Variants in EPHA7 observed in about 807,000 individuals in gnomAD.
EPHA7 encodes the protein ephrin type-A receptor 7.
A neutral mutation model predicts 112.6 loss-of-function variants in EPHA7; 25 were observed. The ratio of observed to expected loss-of-function variants is 0.22; its 90% CI spans 0.16 to 0.31. The LOEUF (loss-of-function observed/expected upper bound fraction) is 0.31, where lower values mean the gene tolerates loss of function less well. Among genes scored for constraint, EPHA7 ranks in the 10% least tolerant of loss-of-function variants. The pLI is 1.00. For missense variants in EPHA7, 962 were observed against 1,212.6 expected (o/e 0.79, Z 3.07); for synonymous variants, 437 against 406.5 (o/e 1.07, Z -0.90).
intron 5 of EPHA7, among the ~76,000 whole-genome samples, chr6:93,335,006 G>C (rs1259230230): frequency 2.0e-5 from 3 of 152,048 alleles, no homozygotes; most frequent in Non-Finnish European, 2.9e-5. Context: ...CAACAAGACA[G>C]GCCACAGACC....
rs74534617 is a variant in EPHA7, at chr6:93,311,839, A to C, written c.1325-39417T>G. 1.7e-3 allele frequency among the ~76,000 whole-genome samples: 258 copies of C among 152,322 alleles called. 1 individual carries two copies. The highest frequency in any genetic ancestry group is 5.8e-3 in the African/African-American group (240 of 41,572). ...GAAAGGTGAAATTACTCTTTAATCT[A>C]TGGGCTGCAGAATAAATATCATTTT... On this transcript the variant is annotated intron_variant, in intron 5 of 16. Coordinates refer to ENST00000369303, the MANE Select transcript of EPHA7 (RefSeq NM_004440.4).
chr6:93,412,115 G>A (rs1258096290), intron 2 of EPHA7, among the ~76,000 whole-genome samples: 1 of 151,932 alleles, frequency 6.6e-6, no homozygotes, highest in Non-Finnish European at 1.5e-5. Flanking sequence ...AAGCCTAAAT[G>A]AATGGTTTGT....
chr6:93,416,864 G>A (rs1046267623), intron 1 of EPHA7, among the ~76,000 whole-genome samples: 1 of 152,160 alleles, frequency 6.6e-6, no homozygotes, highest in Non-Finnish European at 1.5e-5. Flanking sequence ...CTGGCGTCCC[G>A]GGGCTGGGGC....
intron 5 of EPHA7, among the ~76,000 whole-genome samples, chr6:93,348,106 A>T (rs1775495083): frequency 6.6e-6 from 1 of 151,850 alleles, no homozygotes; most frequent in Non-Finnish European, 1.5e-5. Flanking sequence ...TTCATTACAA[A>T]TATTAACCAT....
chr6:93,344,157 T>C (rs1582559444), intron 5 of EPHA7, among the ~76,000 whole-genome samples: 1 of 151,638 alleles, frequency 6.6e-6, no homozygotes, highest in Non-Finnish European at 1.5e-5. Context: ...TAACACAGTC[T>C]CTGTATTAGA....
At chr6:93,278,614 T>C (rs1771579976) in intron 5 of EPHA7, among the ~76,000 whole-genome samples, 1 of 152,070 alleles carries the variant, frequency 6.6e-6, no homozygotes, top group African/African-American at 2.4e-5. Context: ...TTGTGGATTT[T>C]TATAGTTCCT....
In EPHA7 at chr6:93,358,292, T is replaced by C; in HGVS notation, c.952A>G (p.Arg318Gly). The C allele has an allele frequency of 6.2e-7, 1 of 1,613,490 alleles. No individual in the cohort carries two copies. Among genetic ancestry groups the C allele is most frequent in the Non-Finnish European group, 8.5e-7 (1 of 1,179,666 alleles). The change falls in exon 4 of 17, where the codon AGG becomes GGG. Residue 318 changes from arginine to glycine, a missense_variant. Arg to Gly is a moderately radical substitution (Grantham distance 125). Transcript: ENST00000369303. The stretch of plus-strand genomic sequence containing the variant: ...ACGTATGGTGGGTCAGATGGAGCCC[T>C]GTAATACCCATCTTCACATTCACAT... ...SRCECEDGYY[R>G]APSDPPYVAC...
intron 14 of EPHA7, among the ~76,000 whole-genome samples, chr6:93,247,907 G>A (rs1219043100): frequency 6.6e-6 from 1 of 151,876 alleles, no homozygotes; most frequent in Non-Finnish European, 1.5e-5. Context: ...TTCAGACTTG[G>A]GTTTTTTATT....
At chr6:93,320,397 A>C (rs906569186) in intron 5 of EPHA7, among the ~76,000 whole-genome samples, 16 of 152,102 alleles carry the variant, frequency 1.1e-4, no homozygotes, top group African/African-American at 3.4e-4. Context: ...CTTTAAAATT[A>C]ACATTACATT....
intron 1 of EPHA7, among the ~76,000 whole-genome samples, chr6:93,418,202 T>C (rs992132014): frequency 2.0e-5 from 3 of 152,080 alleles, no homozygotes; most frequent in Admixed American, 2.0e-4. Context: ...ATTGTGACAC[T>C]GCTCAAAAGC....
chr6:93,343,896 T>G (rs1004560171), intron 5 of EPHA7, among the ~76,000 whole-genome samples: 1 of 151,686 alleles, frequency 6.6e-6, no homozygotes, highest in Non-Finnish European at 1.5e-5. Context: ...CTGACATTTG[T>G]TGAAATAAGA....
At chr6:93,344,367 G>A (rs766311003) in intron 5 of EPHA7, among the ~76,000 whole-genome samples, 3 of 151,516 alleles carry the variant, frequency 2.0e-5, no homozygotes, top group Non-Finnish European at 4.4e-5. Flanking sequence ...TCAGGGATGT[G>A]AGAAAATAGG....
At chr6:93,367,891 T>C (rs1289665038) in intron 3 of EPHA7, among the ~76,000 whole-genome samples, 1 of 152,168 alleles carries the variant, frequency 6.6e-6, no homozygotes, top group Non-Finnish European at 1.5e-5. Flanking sequence ...TTGATCCCAC[T>C]GTAGTTTCTA....
intron 9 of EPHA7, among the ~76,000 whole-genome samples, chr6:93,262,306 G>A (rs1253216174): frequency 6.6e-6 from 1 of 151,346 alleles, no homozygotes; most frequent in African/African-American, 2.4e-5. Flanking sequence ...CTTCACTGAG[G>A]CTTGTCGCAG....
chr6:93,327,206 G>A (rs1296271613), intron 5 of EPHA7, among the ~76,000 whole-genome samples: 3 of 151,524 alleles, frequency 2.0e-5, no homozygotes, highest in East Asian at 3.9e-4. Flanking sequence ...ACCTTGCAGA[G>A]CTATCAACAT....
At chr6:93,247,258 C>A (rs28661892) in intron 14 of EPHA7, among the ~76,000 whole-genome samples, 36 of 152,212 alleles carry the variant, frequency 2.4e-4, no homozygotes, top group African/African-American at 6.7e-4. Flanking sequence ...GTTTTAACAT[C>A]ATCCCAGAGG....
chr6:93,397,875 A>C (rs1167590279), intron 3 of EPHA7, among the ~76,000 whole-genome samples: 3 of 152,004 alleles, frequency 2.0e-5, no homozygotes, highest in Admixed American at 2.0e-4. Flanking sequence ...AGTGTGCTTA[A>C]TGTGAACTCT....
chr6:93,315,335 C>T (rs1483536116), intron 5 of EPHA7, among the ~76,000 whole-genome samples: 1 of 152,026 alleles, frequency 6.6e-6, no homozygotes, highest in East Asian at 1.9e-4. Context: ...TCTTGTAAGC[C>T]ATGTGTCAAA....
At chr6:93,391,850 T>C (rs1777923404) in intron 3 of EPHA7, among the ~76,000 whole-genome samples, 1 of 151,400 alleles carries the variant, frequency 6.6e-6, no homozygotes. Context: ...AAAAATAGAA[T>C]AAAAATTAAA....
Sources: allele counts gnomAD v4.1 joint callset (sites outside exome capture counted in the v4.1 genomes callset), GRCh38; gene constraint gnomAD v4.1.1; transcripts MANE v1.5; gene names NCBI Gene and HGNC (gene_info 2026-07-23, HGNC 2026-07-21).